RANBP3: variants seen among roughly 807,000 people sequenced by gnomAD.
RANBP3 encodes the protein RAN binding protein 3, also known as ran-binding protein 3.
Under a neutral mutation model 77.3 loss-of-function variants are expected in RANBP3, and 14 were observed. The observed-to-expected ratio is 0.18, with a 90% CI of 0.12 to 0.28. The LOEUF (loss-of-function observed/expected upper bound fraction) is 0.28. Ranked by LOEUF, RANBP3 falls within the 10% of genes least tolerant of loss-of-function variation. The pLI is 1.00. For synonymous variants in RANBP3, 315 were observed against 312.4 expected, an observed-to-expected ratio of 1.01 and a Z score of -0.09; for missense variants, 586 against 752.3, an observed-to-expected ratio of 0.78 and a Z score of 2.59.
In RANBP3 at chr19:5,958,113, G is replaced by A. The variant is rs913156899; in HGVS notation, c.23-140C>T. The stretch of plus-strand genomic sequence containing the variant: ...AGAACATCAAATCACTTAGAACAGC[G>A]TCTTGACTCGGATGCCTGGAGGCAC... On this transcript the variant is annotated intron_variant, in intron 1 of 16. Transcript: ENST00000340578. This position sits in a 1 kb window ranked among gnomAD's most constrained non-coding sequence, Gnocchi z 4.4. 15 of 768,860 alleles carry A rather than the reference G, an allele frequency of 2.0e-5. No individual in the cohort carries two copies. The highest frequency in any genetic ancestry group is 5.3e-5 in the South Asian group (3 of 56,400). The allele number at this position is 768,860 out of a possible 1,614,324, so 47.6% of individuals were successfully genotyped here.
chr19:5,956,271 T>C (rs1057109136), intron 2 of RANBP3, among the ~76,000 whole-genome samples: 6 of 152,196 alleles, frequency 3.9e-5, no homozygotes, highest in Admixed American at 3.9e-4. Context: ...ACTGAACACC[T>C]GAGGAATGAC....
At chr19:5,970,810 T>C (rs1013075991) in intron 1 of RANBP3, among the ~76,000 whole-genome samples, 5 of 152,182 alleles carry the variant, frequency 3.3e-5, no homozygotes, top group African/African-American at 1.2e-4. Flanking sequence ...ATCCTCAGAC[T>C]TGCGTATCAT....
chr19:5,949,685 G>A (rs1274788764), intron 3 of RANBP3, among the ~76,000 whole-genome samples: 1 of 152,182 alleles, frequency 6.6e-6, no homozygotes, highest in Non-Finnish European at 1.5e-5. Context: ...GCCAGTGTGG[G>A]GGACTGCTTG....
At chr19:5,944,469 C>G (rs1394620586) in intron 3 of RANBP3, among the ~76,000 whole-genome samples, 2 of 152,212 alleles carry the variant, frequency 1.3e-5, no homozygotes, top group East Asian at 3.8e-4. Flanking sequence ...ATCTGCCCAC[C>G]CGGGCAGCCA....
chr19:5,934,151 A>AGCCCAGCCTC (rs1420969620), intron 5 of RANBP3: 3 of 152,280 alleles, frequency 2.0e-5, no homozygotes, highest in Non-Finnish European at 4.4e-5. Context: ...ATGGCTCGAG[A>AGCCCAGCCTC]GCCCAGCCTC....
chr19:5,974,563 T>C (rs2058567193), intron 1 of RANBP3: 1 of 152,092 alleles, frequency 6.6e-6, no homozygotes, highest in East Asian at 1.9e-4. Context: ...AGGTGGACTT[T>C]AAAAGTCCCA....
chr19:5,963,621 C>T (rs1355100203), intron 1 of RANBP3, among the ~76,000 whole-genome samples: 1 of 152,194 alleles, frequency 6.6e-6, no homozygotes. Flanking sequence ...AGGGAGTCCC[C>T]CCCATTTCCA....
intron 2 of RANBP3, among the ~76,000 whole-genome samples, chr19:5,955,839 T>A (rs548950980): frequency 6.6e-6 from 1 of 152,186 alleles, no homozygotes; most frequent in Non-Finnish European, 1.5e-5. Context: ...TGTTGGCTCA[T>A]GCCCACAATC....
At position 5,917,576 on chromosome 19, in the gene RANBP3, G is replaced by A. The variant is rs2057755709; in HGVS notation, c.*34C>T. The A allele has an allele frequency of 3.2e-6, 5 of 1,554,958 alleles. No homozygotes were observed. The highest frequency in any genetic ancestry group is 4.3e-6 in the Non-Finnish European group (5 of 1,153,614). On this transcript the variant is annotated 3_prime_UTR_variant, in exon 17 of 17. Transcript: ENST00000340578. ...GTGGGCGGGTGGATAGACGGACAAA[G>A]CAGCAGCCTGGTGTGCAGCCGGGCT...
intron 1 of RANBP3, chr19:5,965,672 G>A (rs1339287384): frequency 6.6e-6 from 1 of 152,230 alleles, no homozygotes; most frequent in Non-Finnish European, 1.5e-5. Flanking sequence ...CGGTGGCCCA[G>A]GGGAGAAAGG....
Position 5,935,755 on chromosome 19 carries a change from T to C in RANBP3, c.407-2276A>G, listed in dbSNP as rs538515811. ...AGACAGACAAGGCGTGCTCCAGGGGTAGCCAAAATCTGGAGGTCCCTGTCA... is the reference window on the plus strand; with the variant it reads ...AGACAGACAAGGCGTGCTCCAGGGGCAGCCAAAATCTGGAGGTCCCTGTCA... On this transcript the variant is annotated intron_variant, in intron 5 of 16. Transcript: ENST00000340578. The C allele has an allele frequency of 1.9e-3, 873 of 456,668 alleles. 16 individuals carry two copies. The highest frequency in any genetic ancestry group is 0.013 in the South Asian group (840 of 64,566). 28.3% of individuals were successfully genotyped at this position (456,668 alleles called of 1,614,324 possible). A position where few individuals can be genotyped will look rare whatever the true frequency, so the allele number is the denominator to read the frequency against.
intron 3 of RANBP3, among the ~76,000 whole-genome samples, chr19:5,944,494 C>T (rs756109526): frequency 4.6e-5 from 7 of 152,222 alleles, no homozygotes; most frequent in Non-Finnish European, 7.3e-5. Flanking sequence ...CTTTGCTCAT[C>T]CAGCCAAGCC....
chr19:5,974,812 C>T (rs1290173243), intron 1 of RANBP3, among the ~76,000 whole-genome samples: 1 of 152,150 alleles, frequency 6.6e-6, no homozygotes. Context: ...TCGGAATCTG[C>T]AGGGCGTGGC....
chr19:5,967,517 C>T (rs1340414962), intron 1 of RANBP3, among the ~76,000 whole-genome samples: 1 of 152,180 alleles, frequency 6.6e-6, no homozygotes, highest in Non-Finnish European at 1.5e-5. Flanking sequence ...ATCATAGACG[C>T]ATCCCCATGA....
chr19:5,941,538 G>T, intron 5 of RANBP3, 83 bp downstream of exon 5: 1 of 1,238,370 alleles, frequency 8.1e-7, no homozygotes. Flanking sequence ...GAAGGACACA[G>T]CAGACGGATG....
At chr19:5,918,997 G>A (rs1443670204) in intron 14 of RANBP3, among the ~76,000 whole-genome samples, 2 of 152,278 alleles carry the variant, frequency 1.3e-5, no homozygotes, top group African/African-American at 2.4e-5. Flanking sequence ...GGGGATTAGA[G>A]AGGAGTACGG....
Position 5,978,127 on chromosome 19 carries a change from C to A in RANBP3, c.-45G>T. 1.3e-6 allele frequency: 2 copies of A among 1,592,962 alleles called. No homozygotes were observed. Among genetic ancestry groups the A allele is most frequent in the African/African-American group, 1.4e-5 (1 of 72,734 alleles). ...CCACAAGGCCCCGCGCCGGCCCAGG[C>A]TCGCCTGCTTTCTGCCAGAAACTCC... On this transcript the variant is annotated 5_prime_UTR_variant, in exon 1 of 17. Coordinates refer to ENST00000340578, the MANE Select transcript of RANBP3 (RefSeq NM_007322.3).
intron 3 of RANBP3, among the ~76,000 whole-genome samples, chr19:5,942,732 A>AAAATGGAC (rs796129420): frequency 2.0e-4 from 31 of 151,612 alleles, no homozygotes; most frequent in African/African-American, 7.5e-4. Context: ...AAAAGGACTT[A>AAAATGGAC]AAATGGACTG....
chr19:5,935,559 A>G (rs1474172413), intron 5 of RANBP3: 2 of 327,658 alleles, frequency 6.1e-6, no homozygotes, highest in African/African-American at 4.3e-5. Context: ...TGTTTTGGTC[A>G]CAGACTGACT....
Sources: gnomAD v4.1 joint callset for allele counts (sites outside exome capture counted in the v4.1 genomes callset) on GRCh38, gnomAD v4.1.1 for gene constraint, Gnocchi (gnomAD v3.1) non-coding constraint, MANE v1.5 for transcripts, NCBI Gene and HGNC (gene_info 2026-07-23, HGNC 2026-07-21) for gene names.